MACROD2: variants seen among roughly 807,000 people sequenced by gnomAD.
The protein encoded by MACROD2 is ADP-ribose glycohydrolase MACROD2.
Under a neutral mutation model 70.4 loss-of-function variants are expected in MACROD2, and 36 were observed. The ratio of observed to expected loss-of-function variants is 0.51; its 90% CI spans 0.39 to 0.68. The LOEUF is 0.68. MACROD2 is among the 30% of genes least tolerant of loss of function. MACROD2 has a pLI of 0.00. For synonymous variants in MACROD2, 172 were observed against 178.8 expected, an observed-to-expected ratio of 0.96 and a Z score of 0.30; for missense variants, 496 against 538.4, an observed-to-expected ratio of 0.92 and a Z score of 0.78.
At chr20:16,000,687 A>T (rs6043664) in intron 15 of MACROD2, among the ~76,000 whole-genome samples, 6,700 of 152,276 alleles carry the variant, frequency 0.044, 349 homozygotes, top group East Asian at 0.21. Context: ...GCCTTCTCTT[A>T]GTATACTACA....
intron 13 of MACROD2, among the ~76,000 whole-genome samples, chr20:15,973,150 T>C (rs1480796238): frequency 1.3e-5 from 2 of 152,126 alleles, no homozygotes; most frequent in African/African-American, 2.4e-5. Flanking sequence ...TAAAAATATA[T>C]AGTTTCTGTA....
intron 3 of MACROD2, among the ~76,000 whole-genome samples, chr20:14,311,675 G>A (rs900327898): frequency 2.0e-5 from 3 of 151,994 alleles, no homozygotes; most frequent in Non-Finnish European, 2.9e-5. Context: ...CCGCCACCAT[G>A]CCTGCCTAAT....
chr20:14,744,819 C>CAT (rs34602587), intron 5 of MACROD2, among the ~76,000 whole-genome samples: 133,720 of 152,048 alleles, frequency 0.88, 58,900 homozygotes, highest in South Asian at 0.92. Flanking sequence ...AGGCCCCTAA[C>CAT]GTGAGAGTTT....
rs1555774718 is a variant in MACROD2 at position 15,021,248 on chromosome 20, A to ATACGCACACCTGTGTGTG, written c.419-208691_419-208690insACGCACACCTGTGTGTGT. 7.5e-5 allele frequency among the ~76,000 whole-genome samples: 4 copies of ATACGCACACCTGTGTGTG among 53,326 alleles called. 1 individual carries two copies. The highest frequency in any genetic ancestry group is 1.8e-4 in the African/African-American group (2 of 10,930). 35.0% of individuals were successfully genotyped at this position (53,326 alleles called of 152,430 possible). On this transcript the variant is annotated intron_variant, in intron 5 of 17. Transcript: ENST00000684519. ...TGTGCGTATACACACACCTGTGTGT[A>ATACGCACACCTGTGTGTG]TGTATACACACACCTGTGTGTGTGT... is the stretch of plus-strand genomic sequence containing the variant.
At chr20:14,568,451 A>G (rs938588111) in intron 4 of MACROD2, among the ~76,000 whole-genome samples, 2 of 151,844 alleles carry the variant, frequency 1.3e-5, no homozygotes, top group African/African-American at 4.8e-5. Flanking sequence ...CATCCTTCTT[A>G]TTGTTCTATT....
chr20:14,447,885 A>T (rs573499167), intron 3 of MACROD2, among the ~76,000 whole-genome samples: 1 of 151,550 alleles, frequency 6.6e-6, no homozygotes, highest in East Asian at 2.0e-4. Context: ...CTGAGGGGGA[A>T]TTAGCTGCTG....
chr20:15,084,270 A>G (rs931456997), intron 5 of MACROD2, among the ~76,000 whole-genome samples: 6 of 151,570 alleles, frequency 4.0e-5, no homozygotes, highest in African/African-American at 1.2e-4. Flanking sequence ...GTTTCACCAT[A>G]TTGGCCATGC....
intron 12 of MACROD2, among the ~76,000 whole-genome samples, chr20:15,951,351 A>ACACACACACACAC (rs71192308): frequency 1.3e-5 from 2 of 149,070 alleles, no homozygotes; most frequent in Non-Finnish European, 3.0e-5. Flanking sequence ...ACACACACAC[A>ACACACACACACAC]AAGAGAGAGA....
intron 12 of MACROD2, among the ~76,000 whole-genome samples, chr20:15,966,743 A>AAAG (rs985430710): frequency 1.2e-4 from 18 of 152,136 alleles, no homozygotes; most frequent in African/African-American, 4.1e-4. Flanking sequence ...TCTGTCTAAA[A>AAAG]AAGTGTCTGG....
chr20:15,124,791 T>A (rs533453241), intron 5 of MACROD2, among the ~76,000 whole-genome samples: 3 of 152,226 alleles, frequency 2.0e-5, no homozygotes, highest in Admixed American at 6.5e-5. Flanking sequence ...CCTGGCTTTC[T>A]TTGTATTGAA....
intron 6 of MACROD2, among the ~76,000 whole-genome samples, chr20:15,263,280 T>C (rs2077264889): frequency 6.6e-6 from 1 of 150,644 alleles, no homozygotes. Context: ...TTTCCTAGGA[T>C]TTTTTTTTCT....
rs1555859323 is a variant in MACROD2 at position 14,978,894 on chromosome 20, T to TAA, written c.419-251046_419-251045insAA. On this transcript the variant is annotated intron_variant, in intron 5 of 17. Coordinates refer to ENST00000684519, the MANE Select transcript of MACROD2 (RefSeq NM_001351661.2). ...TTATATAATATATAAAATATATATA[T>TAA]TATATAATATATTATATATAATATA... is the stretch of plus-strand genomic sequence containing the variant. Among the ~76,000 whole-genome samples the TAA allele has an allele frequency of 1.3e-3, 6 of 4,680 alleles. No individual in the cohort carries two copies. The South Asian group carries it at 0.091, about 71-fold the overall frequency. 3.1% of individuals were successfully genotyped at this position (4,680 alleles called of 152,430 possible). A position where few individuals can be genotyped will look rare whatever the true frequency, so the allele number is the denominator to read the frequency against.
chr20:15,454,658 T>TGCAAAAGATATA (rs1452263979), intron 7 of MACROD2, among the ~76,000 whole-genome samples: 1 of 129,576 alleles, frequency 7.7e-6, no homozygotes, highest in Admixed American at 8.3e-5. Flanking sequence ...TTTCCAGCAG[T>TGCAAAAGATATA]CACGCTGGCT....
intron 8 of MACROD2, among the ~76,000 whole-genome samples, chr20:15,787,991 G>T (rs1428160155): frequency 6.6e-6 from 1 of 152,102 alleles, no homozygotes; most frequent in Non-Finnish European, 1.5e-5. Flanking sequence ...TCTTTTTAAT[G>T]TAATCGTTTC....
At chr20:15,845,148 G>A (rs1193808312) in intron 8 of MACROD2, among the ~76,000 whole-genome samples, 1 of 152,034 alleles carries the variant, frequency 6.6e-6, no homozygotes, top group African/African-American at 2.4e-5. Flanking sequence ...GACCCTGTTT[G>A]GAATAGAACC....
At chr20:14,821,569 A>C (rs2072844944) in intron 5 of MACROD2, among the ~76,000 whole-genome samples, 1 of 152,112 alleles carries the variant, frequency 6.6e-6, no homozygotes, top group Admixed American at 6.6e-5. Context: ...CATGTGTACC[A>C]GAGACAATAC....
intron 5 of MACROD2, among the ~76,000 whole-genome samples, chr20:15,158,447 T>C (rs527750662): frequency 2.6e-5 from 4 of 152,156 alleles, no homozygotes; most frequent in Non-Finnish European, 5.9e-5. Flanking sequence ...GTGAGAAAAT[T>C]GAATACCACA....
At chr20:15,426,506 G>A (rs535423530) in intron 6 of MACROD2, among the ~76,000 whole-genome samples, 12 of 152,010 alleles carry the variant, frequency 7.9e-5, no homozygotes, top group South Asian at 2.1e-4. Flanking sequence ...CACCATGCCC[G>A]GCTAATTTTT....
At chr20:15,667,685 C>T (rs1256743805) in intron 8 of MACROD2, among the ~76,000 whole-genome samples, 2 of 152,064 alleles carry the variant, frequency 1.3e-5, no homozygotes, top group Non-Finnish European at 2.9e-5. Context: ...ATTTGAATTC[C>T]CTCAATTAAT....
Sources: allele counts gnomAD v4.1 joint callset (sites outside exome capture counted in the v4.1 genomes callset), GRCh38; gene constraint gnomAD v4.1.1; transcripts MANE v1.5; gene names NCBI Gene and HGNC (gene_info 2026-07-23, HGNC 2026-07-21).